Variants in MYO7A observed in about 807,000 individuals in gnomAD.
The protein encoded by MYO7A is myosin VIIA.
Under a neutral mutation model 263.8 loss-of-function variants are expected in MYO7A, and 210 were observed. The observed-to-expected ratio is 0.80, with a 90% CI of 0.71 to 0.89. The LOEUF is 0.89. Among genes scored for constraint, MYO7A ranks in the 40% least tolerant of loss-of-function variants. The probability of loss-of-function intolerance (pLI) is 0.00; values close to 1 mark genes in which losing one functional copy is unlikely to be tolerated. For synonymous variants in MYO7A, 1,239 were observed against 1,197.3 expected (o/e 1.03, Z -0.72); for missense variants, 2,820 against 2,968.3 (o/e 0.95, Z 1.16).
rs529749624 is a variant in MYO7A at position 77,193,835 on chromosome 11, C to A, written c.4153-519C>A. ...CCAGTGGCCACTTGGCTCTCTGAAC[C>A]CTCTGCAGTAGATCCTGCCAGCTGT... is the stretch of plus-strand genomic sequence containing the variant. On this transcript the variant is annotated intron_variant, in intron 31 of 48. Transcript: ENST00000409709. Among the ~76,000 whole-genome samples, 99 of 152,256 alleles carry A rather than the reference C, an allele frequency of 6.5e-4. 1 individual carries two copies. The highest frequency in any genetic ancestry group is 2.3e-3 in the African/African-American group (97 of 41,552).
In MYO7A at chr11:77,172,882, C is replaced by T; in HGVS notation, c.1932C>T (p.Pro644=). The T allele has an allele frequency of 1.3e-6, 2 of 1,549,996 alleles. No homozygotes were observed. The change falls in exon 16 of 49, where the codon CCC becomes CCT. Residue 644 remains proline (P), a synonymous_variant. Coordinates refer to ENST00000409709, the MANE Select transcript of MYO7A (RefSeq NM_000260.4). ...TCAAGCCCAATGAGTTCAAGAAGCC[C>T]ATGGTGAGTGGCCCTGGCCTGGGGT... is the stretch of plus-strand genomic sequence containing the variant. ...RCIKPNEFKK[P]MLFDRHLCVR...
At chr11:77,202,754 G>C (rs1360300370) in intron 37 of MYO7A, among the ~76,000 whole-genome samples, 34 of 151,512 alleles carry the variant, frequency 2.2e-4, no homozygotes, top group Non-Finnish European at 2.9e-5. Flanking sequence ...GGGGTGGGGG[G>C]CAGTGAGAAG....
chr11:77,140,785 G>A (rs12279496), intron 2 of MYO7A, among the ~76,000 whole-genome samples: 28,688 of 152,120 alleles, frequency 0.19, 2,898 homozygotes, highest in East Asian at 0.46. Flanking sequence ...TGAATGCTCA[G>A]TAAACAGTTC....
chr11:77,212,940 CT>C lies in MYO7A; in HGVS notation c.6355-5del. On this transcript the variant is annotated splice_polypyrimidine_tract_variant and intron_variant, in intron 46 of 48. Coordinates refer to ENST00000409709, the MANE Select transcript of MYO7A (RefSeq NM_000260.4). The stretch of plus-strand genomic sequence containing the variant: ...GGGCCCCCATCTGATGCCTTCTCAT[CT>C]TTTTTTCTAGCAAACTACGGAGCCA... The C allele has an allele frequency of 3.2e-6, 5 of 1,579,882 alleles. No homozygotes were observed. The highest frequency in any genetic ancestry group is 1.2e-5 in the South Asian group (1 of 86,008).
intron 15 of MYO7A, among the ~76,000 whole-genome samples, chr11:77,166,572 C>A (rs1025508277): frequency 6.6e-6 from 1 of 152,192 alleles, no homozygotes; most frequent in Non-Finnish European, 1.5e-5. Context: ...CAGCCCCAGA[C>A]CCCATCAGAC....
At chr11:77,173,417 T>C (rs568177652) in intron 16 of MYO7A, among the ~76,000 whole-genome samples, 1 of 152,372 alleles carries the variant, frequency 6.6e-6, no homozygotes, top group South Asian at 2.1e-4. Flanking sequence ...TAACATTTGT[T>C]GGGCCCTTTC....
At position 77,156,640 on chromosome 11, in the gene MYO7A, G is replaced by A; in HGVS notation, c.471-20G>A. On this transcript the variant is annotated intron_variant, in intron 5 of 48. Coordinates refer to ENST00000409709, the MANE Select transcript of MYO7A (RefSeq NM_000260.4). ...GTCCCTGTGGGTTGTGACAGGTCCT[G>A]CCACTCCCTCCCTCTGCAGTGGGGA... is the stretch of plus-strand genomic sequence containing the variant. 1 of 1,612,242 alleles carries A rather than the reference G, an allele frequency of 6.2e-7. No homozygotes were observed. The highest frequency in any genetic ancestry group is 8.5e-7 in the Non-Finnish European group (1 of 1,178,908).
chr11:77,204,890 C>T (rs1362017271), intron 39 of MYO7A, among the ~76,000 whole-genome samples: 1 of 152,196 alleles, frequency 6.6e-6, no homozygotes, highest in African/African-American at 2.4e-5. Flanking sequence ...GAAAACTTTT[C>T]AGCCCCTTCT....
Position 77,145,466 on chromosome 11 carries a change from T to A in MYO7A, c.133-2332T>A, listed in dbSNP as rs1026533253. On this transcript the variant is annotated intron_variant, in intron 3 of 48. Transcript: ENST00000409709. ...TGTCAACCTGTGTGCTGAACTGTCA[T>A]GGGGAGGGATGTGGGGACCTGAGGC... 3.3e-5 allele frequency among the ~76,000 whole-genome samples: 5 copies of A among 152,048 alleles called. No individual in the cohort carries two copies. The East Asian group carries it at 9.7e-4, about 29-fold the overall frequency.
rs1555090196 is a variant in MYO7A at position 77,189,349 on chromosome 11, A to G, written c.3509A>G (p.Glu1170Gly). Residue 1170 changes from glutamate to glycine, a missense_variant, in exon 28 of 49, where the codon GAG becomes GGG. Physicochemically the swap from Glu to Gly is moderately conservative, Grantham distance 98 (BLOSUM62 -2). Transcript: ENST00000409709. Reference protein sequence around the residue: ...NGILRPALRDEIYCQISKQLT... With the variant: ...NGILRPALRDGIYCQISKQLT... The stretch of plus-strand genomic sequence containing the variant: ...TTGCCCTGCTGCCTGCCCAGGGACG[A>G]GATCTACTGCCAGATCAGCAAGCAG... The G allele has an allele frequency of 1.2e-6, 2 of 1,613,322 alleles. No homozygotes were observed. Among genetic ancestry groups the G allele is most frequent in the Admixed American group, 3.3e-5 (2 of 60,006 alleles).
intron 1 of MYO7A, among the ~76,000 whole-genome samples, chr11:77,129,474 T>C (rs1950701160): frequency 6.6e-6 from 1 of 152,164 alleles, no homozygotes; most frequent in Non-Finnish European, 1.5e-5. Flanking sequence ...AGGGGCCTCA[T>C]ACCAGGGTCT....
At position 77,190,833 on chromosome 11, in the gene MYO7A, G is replaced by A. The variant is rs746051777; in HGVS notation, c.3887G>A (p.Arg1296Gln). 110 of 1,586,736 alleles carry A rather than the reference G, an allele frequency of 6.9e-5. No individual in the cohort carries two copies. Among genetic ancestry groups the A allele is most frequent in the South Asian group, 5.1e-4 (44 of 86,450 alleles). The change falls in exon 30 of 49, where the codon CGG becomes CAG. Residue 1296 changes from arginine (R) to glutamine (Q), a missense_variant. Physicochemically the swap from Arg to Gln is conservative, Grantham distance 43. Transcript: ENST00000409709. ...ALADKISLKD[R>Q]FGFSLYIALF... ...GCCGACAAGATCTCTCTCAAGGACC[G>A]GTTCGGGTTCTCCCTCTACATTGCC...
At chr11:77,163,333 A>T (rs1359646144) in intron 14 of MYO7A, among the ~76,000 whole-genome samples, 1 of 152,126 alleles carries the variant, frequency 6.6e-6, no homozygotes. Flanking sequence ...GGTACCTCAT[A>T]TAAGTGGAAT....
Position 77,192,101 on chromosome 11 carries a change from G to A in MYO7A, c.3975G>A (p.Gln1325=), listed in dbSNP as rs777059598. 4.3e-6 allele frequency: 7 copies of A among 1,613,890 alleles called. No homozygotes were observed. The African/African-American group carries it at 8.0e-5, about 18-fold the overall frequency. The part of the protein sequence containing the change: ...GSDHVMDAIS[Q]CEQYAKEQGA... ...ACCACGTCATGGACGCCATCTCCCA[G>A]TGCGAGCAGTACGCCAAGGAGCAGG... Residue 1325 remains glutamine, a synonymous_variant, in exon 31 of 49, where the codon CAG becomes CAA. Coordinates refer to ENST00000409709, the MANE Select transcript of MYO7A (RefSeq NM_000260.4).
chr11:77,172,176 A>G (rs1187594294), intron 15 of MYO7A, among the ~76,000 whole-genome samples: 6 of 152,220 alleles, frequency 3.9e-5, no homozygotes, highest in Non-Finnish European at 8.8e-5. Flanking sequence ...GTTTACTGAA[A>G]TATGCCCTGA....
At chr11:77,212,163 T>C in intron 46 of MYO7A, 1 of 655,344 alleles carries the variant, frequency 1.5e-6, no homozygotes, top group South Asian at 1.5e-5. Context: ...GAGGCAGACA[T>C]GTAAACAGGC....
chr11:77,189,412 G>A lies in MYO7A; in HGVS notation c.3572G>A (p.Gly1191Asp), dbSNP rs397516301. ...HNPSKSSYAR[G>D]WILVSLCVGC... ...CCCTCCAAGAGCAGCTATGCCCGGG[G>A]CTGGATTCTCGTGTCTCTCTGCGTG... Residue 1191 changes from glycine (G) to aspartate (D), a missense_variant, in exon 28 of 49, where the codon GGC (glycine) becomes GAC (aspartate). By Grantham distance (94) the Gly-to-Asp change is moderately conservative. Transcript: ENST00000409709. The A allele has an allele frequency of 6.2e-7, 1 of 1,613,908 alleles. No homozygotes were observed. The highest frequency in any genetic ancestry group is 8.5e-7 in the Non-Finnish European group (1 of 1,179,898).
chr11:77,157,084 GCTGCCCGTATTGCTCCCCCAC>G (rs1444272612), intron 7 of MYO7A, 80 bp downstream of exon 7: 2 of 1,554,096 alleles, frequency 1.3e-6, no homozygotes, highest in African/African-American at 1.4e-5. Context: ...TGCCCGTATT[GCTGCCCGTATTGCTCCCCCAC>G]CTGCCCGTAT....
At chr11:77,208,172 C>T (rs1240611126) in intron 42 of MYO7A, among the ~76,000 whole-genome samples, 2 of 152,310 alleles carry the variant, frequency 1.3e-5, no homozygotes, top group South Asian at 2.1e-4. Flanking sequence ...CATTCTTGGC[C>T]AGTTTCCCTT....
Sources: gnomAD v4.1 joint callset for allele counts (sites outside exome capture counted in the v4.1 genomes callset) on GRCh38, gnomAD v4.1.1 for gene constraint, MANE v1.5 for transcripts, NCBI Gene and HGNC (gene_info 2026-07-23, HGNC 2026-07-21) for gene names.